The following TBC1D5 variants were observed in gnomAD, a reference collection of about 807,000 sequenced individuals.
TBC1D5 encodes TBC1 domain family member 5.
In TBC1D5, 75 loss-of-function variants were observed where a neutral mutation model predicts 100.3. That is an observed-to-expected ratio of 0.75 (90% confidence interval 0.62 to 0.91). The LOEUF is 0.91. TBC1D5 is among the 40% of genes least tolerant of loss of function. The pLI is 0.00. For synonymous variants in TBC1D5, 323 were observed against 325.6 expected (o/e 0.99, Z 0.09); for missense variants, 910 against 942.4 (o/e 0.97, Z 0.45).
intron 4 of TBC1D5, among the ~76,000 whole-genome samples, chr3:17,411,565 G>A (rs1235240777): frequency 6.6e-6 from 1 of 152,140 alleles, no homozygotes; most frequent in African/African-American, 2.4e-5. Flanking sequence ...AAGTATTCCA[G>A]ATAAGAGAGG....
At chr3:17,385,867 C>T (rs1381295135) in intron 8 of TBC1D5, among the ~76,000 whole-genome samples, 1 of 151,988 alleles carries the variant, frequency 6.6e-6, no homozygotes, top group Non-Finnish European at 1.5e-5. Context: ...GCACAATTAA[C>T]TTCTAAAGAA....
chr3:17,331,207 C>T (rs2086824166), intron 13 of TBC1D5, among the ~76,000 whole-genome samples: 2 of 152,188 alleles, frequency 1.3e-5, no homozygotes, highest in African/African-American at 4.8e-5. Flanking sequence ...CTCTTCCTGG[C>T]TTTACCTGCA....
chr3:17,740,492 C>T lies in TBC1D5; in HGVS notation c.-1250G>A, dbSNP rs534442273. On this transcript the variant is annotated 5_prime_UTR_variant, in exon 1 of 22. Transcript: ENST00000253692. ...TCCACAAAGTTATTTAGAAGTACAA[C>T]CTCTGCTCAGTCAGTTGGAGTATAA... The T allele has an allele frequency of 3.3e-5, 5 of 152,236 alleles. No individual in the cohort carries two copies. In the East Asian group the frequency reaches 9.6e-4, roughly 29 times the overall value. The allele number at this position is 152,236 out of a possible 1,614,324, so 9.4% of individuals were successfully genotyped here. A position where few individuals can be genotyped will look rare whatever the true frequency, so the allele number is the denominator to read the frequency against.
chr3:17,697,127 G>A (rs1266225583), intron 1 of TBC1D5, among the ~76,000 whole-genome samples: 1 of 152,172 alleles, frequency 6.6e-6, no homozygotes, highest in East Asian at 1.9e-4. Context: ...AGCTATTTAT[G>A]ACAAACCCAC....
chr3:17,661,654 C>T (rs543571397), intron 1 of TBC1D5, among the ~76,000 whole-genome samples: 1 of 152,024 alleles, frequency 6.6e-6, no homozygotes, highest in Non-Finnish European at 1.5e-5. Context: ...GCGCCTGCCA[C>T]CTCGTTGGCT....
exon 13 of TBC1D5, chr3:17,372,080 A>G (rs752019739): frequency 5.4e-6 from 8 of 1,476,622 alleles, no homozygotes; most frequent in South Asian, 4.7e-5. Context: ...CTTACAACCC[A>G]TATATCTGTG....
chr3:17,622,174 T>G (rs2062713969), intron 2 of TBC1D5, among the ~76,000 whole-genome samples: 1 of 152,218 alleles, frequency 6.6e-6, no homozygotes, highest in African/African-American at 2.4e-5. Flanking sequence ...TCATAAGGAA[T>G]GAGCAATGTG....
In TBC1D5 at chr3:17,283,376, G is replaced by A. The variant is rs571729840; in HGVS notation, c.1245+8519C>T. Among the ~76,000 whole-genome samples, 8 of 152,268 alleles carry A rather than the reference G, an allele frequency of 5.3e-5. No individual in the cohort carries two copies. In the East Asian group the frequency reaches 1.5e-3, roughly 29 times the overall value. ...CCTGATGCAGTGAAGCTCTCAGTTTGGTAGATGAGAAAACTGAATGGTCTG... is the reference window on the plus strand; with the variant it reads ...CCTGATGCAGTGAAGCTCTCAGTTTAGTAGATGAGAAAACTGAATGGTCTG... On this transcript the variant is annotated intron_variant, in intron 15 of 21. Coordinates refer to ENST00000253692, the Ensembl canonical transcript of TBC1D5.
At chr3:17,402,720 T>C (rs78908732) in intron 8 of TBC1D5, among the ~76,000 whole-genome samples, 1 of 151,972 alleles carries the variant, frequency 6.6e-6, no homozygotes, top group Admixed American at 6.6e-5. Context: ...ACTGAGTAGA[T>C]TGAGAGAAGA....
intron 2 of TBC1D5, chr3:17,546,914 A>G (rs890543459): frequency 2.0e-5 from 3 of 152,214 alleles, no homozygotes; most frequent in African/African-American, 7.2e-5. Context: ...TTTCTTGGCT[A>G]CTTTATACAT....
chr3:17,546,137 A>C (rs1413441368), intron 2 of TBC1D5, among the ~76,000 whole-genome samples: 4 of 152,216 alleles, frequency 2.6e-5, no homozygotes, highest in Non-Finnish European at 5.9e-5. Flanking sequence ...TACAAAGTCC[A>C]GCACAGAAAG....
intron 1 of TBC1D5, among the ~76,000 whole-genome samples, chr3:17,629,063 G>C (rs1486269610): frequency 1.3e-5 from 2 of 152,144 alleles, no homozygotes; most frequent in Non-Finnish European, 2.9e-5. Flanking sequence ...GATTATTAAG[G>C]ACACAAGTGT....
At chr3:17,676,110 A>G in intron 1 of TBC1D5, among the ~76,000 whole-genome samples, 1 of 152,184 alleles carries the variant, frequency 6.6e-6, no homozygotes, top group East Asian at 1.9e-4. Flanking sequence ...GGATGACAAC[A>G]GTATTAATAT....
chr3:17,459,057 T>A (rs1201254891), intron 3 of TBC1D5, among the ~76,000 whole-genome samples: 4 of 152,208 alleles, frequency 2.6e-5, no homozygotes, highest in Admixed American at 6.5e-5. Flanking sequence ...TACATTTATT[T>A]TCCATTAAGT....
intron 4 of TBC1D5, among the ~76,000 whole-genome samples, chr3:17,419,937 A>C (rs959804289): frequency 2.0e-5 from 3 of 152,084 alleles, no homozygotes; most frequent in Admixed American, 6.6e-5. Context: ...AACTCAAGTG[A>C]TCCTCCCGCC....
rs78675686 is a variant in TBC1D5, at chr3:17,580,143, T to C, written c.-36+43706A>G. Among the ~76,000 whole-genome samples, 29 of 152,282 alleles carry C rather than the reference T, an allele frequency of 1.9e-4. No individual in the cohort carries two copies. In the South Asian group the frequency reaches 5.8e-3, roughly 30 times the overall value. On this transcript the variant is annotated intron_variant, in intron 2 of 21. Coordinates refer to ENST00000253692, the Ensembl canonical transcript of TBC1D5. ...CCCCAACCTGGTATAAGAAAGGATT[T>C]TGATGGCCCTGTTTCTACTATTAAC... is the stretch of plus-strand genomic sequence containing the variant.
intron 3 of TBC1D5, among the ~76,000 whole-genome samples, chr3:17,507,194 G>A (rs1206694266): frequency 2.0e-5 from 3 of 152,048 alleles, no homozygotes; most frequent in Admixed American, 6.6e-5. Flanking sequence ...ATTTAACTAC[G>A]AATGCTTCTT....
intron 2 of TBC1D5, among the ~76,000 whole-genome samples, chr3:17,537,049 T>C (rs956281999): frequency 3.3e-5 from 5 of 152,228 alleles, no homozygotes; most frequent in African/African-American, 9.6e-5. Flanking sequence ...ACTATAGTAA[T>C]GGAGTTTCCC....
intron 13 of TBC1D5, among the ~76,000 whole-genome samples, chr3:17,370,122 C>T (rs1228632980): frequency 1.3e-5 from 2 of 152,180 alleles, no homozygotes; most frequent in South Asian, 2.1e-4. Context: ...CTGAAACTAA[C>T]TGAAGGAAAC....
Sources: gnomAD v4.1 joint callset for allele counts (sites outside exome capture counted in the v4.1 genomes callset) on GRCh38, gnomAD v4.1.1 for gene constraint, MANE v1.5 for transcripts, NCBI Gene and HGNC (gene_info 2026-07-23, HGNC 2026-07-21) for gene names.